Variants in VPS13D observed in about 807,000 individuals in gnomAD.
VPS13D encodes the protein intermembrane lipid transfer protein VPS13D.
In VPS13D, 187 loss-of-function variants were observed where a neutral mutation model predicts 461.9. The observed-to-expected ratio is 0.40, with a 90% CI of 0.36 to 0.46. VPS13D has a LOEUF of 0.46. Among genes scored for constraint, VPS13D ranks in the 20% least tolerant of loss-of-function variants. The probability of loss-of-function intolerance (pLI) is 0.60; values close to 1 mark genes in which losing one functional copy is unlikely to be tolerated. For synonymous variants in VPS13D, 1,951 were observed against 1,986.3 expected (o/e 0.98, Z 0.47); for missense variants, 4,711 against 5,364.9 (o/e 0.88, Z 3.81).
chr1:12,398,997 C>T (rs1172285073), intron 60 of VPS13D, among the ~76,000 whole-genome samples: 1 of 152,174 alleles, frequency 6.6e-6, no homozygotes, highest in Non-Finnish European at 1.5e-5. Context: ...AAGGACAGAG[C>T]TCATGAAGTT....
intron 64 of VPS13D, among the ~76,000 whole-genome samples, chr1:12,415,589 A>G (rs1457910308): frequency 2.1e-5 from 3 of 145,702 alleles, no homozygotes; most frequent in Admixed American, 7.1e-5. Flanking sequence ...GGGATCCTGC[A>G]TTTGGGTTGA....
At chr1:12,388,381 C>T (rs1037712992) in intron 60 of VPS13D, among the ~76,000 whole-genome samples, 2 of 152,026 alleles carry the variant, frequency 1.3e-5, no homozygotes, top group South Asian at 2.1e-4. Flanking sequence ...TCGGGACCAG[C>T]CTGGCCAACG....
Position 12,369,492 on chromosome 1 carries a change from G to A in VPS13D, c.10598G>A (p.Gly3533Asp). Residue 3533 changes from glycine to aspartate, a missense_variant, in exon 54 of 70, where the codon GGC (glycine) becomes GAC (aspartate). Transcript: ENST00000620676. ...GTCCCGGTTGTCTTTACTCAGCATG[G>A]CGTAGCTGAACCCAGGCTCCGGACT... ...SKVPVVFTQH[G>D]VAEPRLRTEV... The A allele has an allele frequency of 6.2e-7, 1 of 1,614,044 alleles. No homozygotes were observed. The highest frequency in any genetic ancestry group is 8.5e-7 in the Non-Finnish European group (1 of 1,180,004).
chr1:12,368,434 T>C, intron 52 of VPS13D, 34 bp from the exon 53 acceptor site: 1 of 1,575,450 alleles, frequency 6.3e-7, no homozygotes, highest in Non-Finnish European at 8.6e-7. Flanking sequence ...TCTCCTACAT[T>C]TTATGTAGCC....
Position 12,256,511 on chromosome 1 carries a change from C to G in VPS13D, c.840+8C>G, listed in dbSNP as rs1306850952. On this transcript the variant is annotated splice_region_variant and intron_variant, in intron 8 of 69. Coordinates refer to ENST00000620676, the MANE Select transcript of VPS13D (RefSeq NM_015378.4). ...CCCTTGAAACTCTCTCAGGTATGCC[C>G]TTTCTTCTCAGTGGCATCTACTTAC... is the stretch of plus-strand genomic sequence containing the variant. The G allele has an allele frequency of 1.9e-6, 3 of 1,613,374 alleles. No individual in the cohort carries two copies. Among genetic ancestry groups the G allele is most frequent in the East Asian group, 2.2e-5 (1 of 44,876 alleles).
intron 1 of VPS13D, among the ~76,000 whole-genome samples, chr1:12,231,525 G>A (rs969058470): frequency 1.3e-5 from 2 of 152,172 alleles, no homozygotes; most frequent in African/African-American, 2.4e-5. Flanking sequence ...CCTTGATTTG[G>A]AGATAATTGG....
At chr1:12,387,094 A>G (rs572297060) in intron 60 of VPS13D, among the ~76,000 whole-genome samples, 2 of 152,354 alleles carry the variant, frequency 1.3e-5, no homozygotes, top group African/African-American at 4.8e-5. Flanking sequence ...TGAAAGGATC[A>G]GAGGGAACAG....
At chr1:12,499,346 A>G (rs1646004760) in intron 68 of VPS13D, 2 of 566,196 alleles carry the variant, frequency 3.5e-6, no homozygotes, top group Non-Finnish European at 4.5e-6. Flanking sequence ...TCCATTTTCC[A>G]TTCATTTGGG....
At chr1:12,233,165 C>T (rs1433950836) in intron 1 of VPS13D, among the ~76,000 whole-genome samples, 1 of 152,096 alleles carries the variant, frequency 6.6e-6, no homozygotes, top group Non-Finnish European at 1.5e-5. Flanking sequence ...GCCACCATGC[C>T]TGGCTAAGTT....
chr1:12,356,639 T>G, intron 49 of VPS13D, 115 bp downstream of exon 49: 2 of 1,362,890 alleles, frequency 1.5e-6, no homozygotes, highest in Non-Finnish European at 2.0e-6. Context: ...CAATCCTGAC[T>G]TGGCAGGGGA....
At chr1:12,274,620 G>A (rs1399546146) in intron 18 of VPS13D, among the ~76,000 whole-genome samples, 1 of 152,208 alleles carries the variant, frequency 6.6e-6, no homozygotes, top group African/African-American at 2.4e-5. Context: ...CCCCAGTGGT[G>A]TATTTTTATA....
chr1:12,316,408 C>T (rs1642888042), intron 30 of VPS13D, among the ~76,000 whole-genome samples: 1 of 152,186 alleles, frequency 6.6e-6, no homozygotes, highest in Non-Finnish European at 1.5e-5. Flanking sequence ...ATATAAATCA[C>T]TTCACAGTGT....
intron 54 of VPS13D, among the ~76,000 whole-genome samples, chr1:12,372,322 C>G (rs1283648232): frequency 6.6e-6 from 1 of 152,134 alleles, no homozygotes; most frequent in East Asian, 1.9e-4. Flanking sequence ...CACAGCCTCC[C>G]AAAGTGCTGG....
rs538851750 is a variant in VPS13D at position 12,440,549 on chromosome 1, C to A, written c.12334-15449C>A. Among the ~76,000 whole-genome samples the A allele has an allele frequency of 9.2e-5, 14 of 152,264 alleles. No homozygotes were observed. In the South Asian group the frequency reaches 2.9e-3, roughly 32 times the overall value. ...AGAGCACAGAAGAAGGGTTTGAATT[C>A]TTGGAAGAGTCAGTCTATTTATGCA... is the stretch of plus-strand genomic sequence containing the variant. On this transcript the variant is annotated intron_variant, in intron 65 of 69. Transcript: ENST00000620676.
chr1:12,449,648 T>A (rs1256667872), intron 65 of VPS13D, among the ~76,000 whole-genome samples: 1 of 152,190 alleles, frequency 6.6e-6, no homozygotes, highest in East Asian at 1.9e-4. Context: ...TGGTGAAGAC[T>A]TTCGTTTTGA....
chr1:12,448,015 A>G (rs1295622520), intron 65 of VPS13D, among the ~76,000 whole-genome samples: 4 of 152,196 alleles, frequency 2.6e-5, no homozygotes, highest in Non-Finnish European at 5.9e-5. Flanking sequence ...GGAAGAAAGG[A>G]TAGGATTTCC....
intron 67 of VPS13D, among the ~76,000 whole-genome samples, chr1:12,492,446 C>G (rs1311372978): frequency 6.6e-6 from 1 of 152,250 alleles, no homozygotes; most frequent in Non-Finnish European, 1.5e-5. Context: ...CCACATTTCA[C>G]ATGCTCAGTA....
intron 8 of VPS13D, among the ~76,000 whole-genome samples, chr1:12,256,716 G>A (rs1417813437): frequency 6.4e-5 from 9 of 140,828 alleles, no homozygotes; most frequent in African/African-American, 2.4e-4. Flanking sequence ...TTTTTAATTA[G>A]TTGGTGGTAT....
At chr1:12,326,321 ATTTT>A (rs763042688) in intron 35 of VPS13D, among the ~76,000 whole-genome samples, 1 of 49,280 alleles carries the variant, frequency 2.0e-5, no homozygotes, top group Non-Finnish European at 4.0e-5. Context: ...AACCTTTTGG[ATTTT>A]TTTTTTTTTT....
Sources: gnomAD v4.1 joint callset for allele counts (sites outside exome capture counted in the v4.1 genomes callset) on GRCh38, gnomAD v4.1.1 for gene constraint, MANE v1.5 for transcripts, NCBI Gene and HGNC (gene_info 2026-07-23, HGNC 2026-07-21) for gene names.